Variants in NEK10 observed in about 807,000 individuals in gnomAD.
The protein encoded by NEK10 is serine/threonine-protein kinase Nek10.
Under a neutral mutation model 159.8 loss-of-function variants are expected in NEK10, and 122 were observed. The ratio of observed to expected loss-of-function variants is 0.76; its 90% CI spans 0.66 to 0.89. The LOEUF (loss-of-function observed/expected upper bound fraction) is 0.89, where lower values mean the gene tolerates loss of function less well. NEK10 is among the 40% of genes least tolerant of loss of function. The pLI is 0.00. For missense variants in NEK10, 1,342 were observed against 1,323.1 expected, an observed-to-expected ratio of 1.01 and a Z score of -0.22; for synonymous variants, 466 against 457.1, an observed-to-expected ratio of 1.02 and a Z score of -0.25.
At chr3:27,182,563 A>G (rs148802410) in intron 26 of NEK10, among the ~76,000 whole-genome samples, 86 of 152,008 alleles carry the variant, frequency 5.7e-4, no homozygotes, top group African/African-American at 2.0e-3. Context: ...AAAAATGGAA[A>G]TACCATATGA....
chr3:27,321,255 A>T (rs2045608554), intron 6 of NEK10, among the ~76,000 whole-genome samples: 1 of 152,212 alleles, frequency 6.6e-6, no homozygotes, highest in South Asian at 2.1e-4. Flanking sequence ...GCCATGAACT[A>T]GTAGCAATAG....
chr3:27,326,276 A>T (rs903015844), intron 5 of NEK10, among the ~76,000 whole-genome samples: 5 of 152,254 alleles, frequency 3.3e-5, no homozygotes, highest in Non-Finnish European at 7.3e-5. Flanking sequence ...GGCAGCATGT[A>T]GCCTGAATTA....
intron 30 of NEK10, chr3:27,143,382 G>A (rs1943972138): frequency 1.5e-6 from 1 of 680,340 alleles, no homozygotes. Flanking sequence ...CTCACAACAT[G>A]GCAAAGAGTT....
intron 23 of NEK10, among the ~76,000 whole-genome samples, chr3:27,243,803 A>G (rs986732017): frequency 1.3e-5 from 2 of 151,006 alleles, no homozygotes; most frequent in South Asian, 2.1e-4. Context: ...CTAACCCTTT[A>G]ATCTTCTACA....
intron 29 of NEK10, 88 bp from the exon 30 acceptor site, chr3:27,162,826 A>G (rs557573133): frequency 2.1e-4 from 329 of 1,549,862 alleles, no homozygotes; most frequent in Admixed American, 1.1e-3. Context: ...GGTCTACATT[A>G]TAAAGATTAA....
intron 19 of NEK10, 72 bp downstream of exon 19, chr3:27,290,545 C>A: frequency 9.0e-7 from 1 of 1,105,700 alleles, no homozygotes; most frequent in Non-Finnish European, 1.3e-6. Flanking sequence ...TGGACAAGAG[C>A]ACCACAACTC....
At chr3:27,200,350 C>T (rs1303658844) in intron 25 of NEK10, among the ~76,000 whole-genome samples, 1 of 151,948 alleles carries the variant, frequency 6.6e-6, no homozygotes, top group Non-Finnish European at 1.5e-5. Flanking sequence ...ACTCAGAAGG[C>T]AGATGAAAAA....
intron 22 of NEK10, among the ~76,000 whole-genome samples, chr3:27,272,638 C>T (rs1345409919): frequency 6.6e-6 from 1 of 152,128 alleles, no homozygotes; most frequent in African/African-American, 2.4e-5. Context: ...AAGTTTCCAG[C>T]TGCCTTATCT....
At chr3:27,293,798 CA>C in intron 15 of NEK10, 146 bp from the exon 16 acceptor site, 1 of 549,018 alleles carries the variant, frequency 1.8e-6, no homozygotes, top group Admixed American at 3.5e-5. Flanking sequence ...TAACTGAAAA[CA>C]AAAAACACCA....
At chr3:27,362,307 T>A (rs1287542859) in intron 1 of NEK10, among the ~76,000 whole-genome samples, 1 of 152,138 alleles carries the variant, frequency 6.6e-6, no homozygotes, top group Non-Finnish European at 1.5e-5. Context: ...AAGGAGTAAG[T>A]GGCAGCCTTC....
intron 1 of NEK10, among the ~76,000 whole-genome samples, chr3:27,356,753 C>A (rs1199037008): frequency 6.6e-6 from 1 of 152,078 alleles, no homozygotes; most frequent in Non-Finnish European, 1.5e-5. Context: ...ATATTCACCC[C>A]CACACACTCA....
intron 3 of NEK10, among the ~76,000 whole-genome samples, chr3:27,349,477 T>C (rs2047810945): frequency 6.6e-6 from 1 of 152,132 alleles, no homozygotes; most frequent in African/African-American, 2.4e-5. Flanking sequence ...TATACCATAA[T>C]TATCTGTGCC....
chr3:27,269,708 A>T (rs1232435906), intron 22 of NEK10, among the ~76,000 whole-genome samples: 1 of 152,232 alleles, frequency 6.6e-6, no homozygotes, highest in Non-Finnish European at 1.5e-5. Context: ...GTTCTGGAAC[A>T]AAGTCCACAG....
intron 19 of NEK10, among the ~76,000 whole-genome samples, chr3:27,289,297 C>G (rs561758463): frequency 6.4e-4 from 97 of 152,310 alleles, no homozygotes; most frequent in Non-Finnish European, 9.9e-4. Flanking sequence ...TTGGGATCCT[C>G]TTTGTTAATG....
intron 6 of NEK10, among the ~76,000 whole-genome samples, chr3:27,316,098 A>G (rs897072501): frequency 6.6e-6 from 1 of 152,168 alleles, no homozygotes; most frequent in Non-Finnish European, 1.5e-5. Flanking sequence ...ACACTGTGGG[A>G]GGACTTAGAT....
In NEK10 at chr3:27,141,439, T is replaced by C. The variant is rs762526153; in HGVS notation, c.2970+43A>G. ...TTCTTCAGCAATATTAGCACCAAAC[T>C]TGCATTTAAGATGAAAAGGAAATAA... On this transcript the variant is annotated intron_variant, in intron 31 of 35. Transcript: ENST00000691995. 4 of 1,450,038 alleles carry C rather than the reference T, an allele frequency of 2.8e-6. No homozygotes were observed. The African/African-American group carries it at 5.6e-5, about 20-fold the overall frequency. The allele number at this position is 1,450,038 out of a possible 1,614,324, so 89.8% of individuals were successfully genotyped here. A position where few individuals can be genotyped will look rare whatever the true frequency, so the allele number is the denominator to read the frequency against.
chr3:27,359,659 G>A (rs534403737), intron 1 of NEK10, among the ~76,000 whole-genome samples: 1 of 152,250 alleles, frequency 6.6e-6, no homozygotes, highest in Non-Finnish European at 1.5e-5. Context: ...AAAATGCACT[G>A]GTTAAATGTT....
At chr3:27,128,041 A>G (rs772196412) in intron 32 of NEK10, among the ~76,000 whole-genome samples, 2 of 152,154 alleles carry the variant, frequency 1.3e-5, no homozygotes, top group African/African-American at 2.4e-5. Context: ...AGATAGCTAG[A>G]TCCAGAGCAG....
At position 27,342,760 on chromosome 3, in the gene NEK10, A is replaced by G. The variant is rs148099878; in HGVS notation, c.362+1512T>C. On this transcript the variant is annotated intron_variant, in intron 5 of 35. Coordinates refer to ENST00000691995, the MANE Select transcript of NEK10 (RefSeq NM_001394966.1). Reference sequence around the variant, plus strand: ...TCTAGTGCCTTCCCCCAAAGTATTGACCCAATAAATAGTCTACTGGGCATC... The same window carrying G: ...TCTAGTGCCTTCCCCCAAAGTATTGGCCCAATAAATAGTCTACTGGGCATC... 1.8e-3 allele frequency among the ~76,000 whole-genome samples: 270 copies of G among 152,026 alleles called. 1 individual carries two copies. The highest frequency in any genetic ancestry group is 5.1e-3 in the African/African-American group (212 of 41,474).
Sources: allele counts gnomAD v4.1 joint callset (sites outside exome capture counted in the v4.1 genomes callset), GRCh38; gene constraint gnomAD v4.1.1; transcripts MANE v1.5; gene names NCBI Gene and HGNC (gene_info 2026-07-23, HGNC 2026-07-21).